HNRNPC: variants seen among roughly 807,000 people sequenced by gnomAD.
HNRNPC encodes heterogeneous nuclear ribonucleoproteins C1/C2.
In HNRNPC, 3 loss-of-function variants were observed where a neutral mutation model predicts 33.2. That is an observed-to-expected ratio of 0.09 (90% CI 0.04 to 0.23). The LOEUF is 0.23. Among genes scored for constraint, HNRNPC ranks in the 10% least tolerant of loss-of-function variants. The pLI is 1.00. For missense variants in HNRNPC, 143 were observed against 366.7 expected, an observed-to-expected ratio of 0.39 and a Z score of 4.98; for synonymous variants, 121 against 126.7, an observed-to-expected ratio of 0.96 and a Z score of 0.30.
chr14:21,254,341 TCTA>T (rs1876750922), intron 2 of HNRNPC, among the ~76,000 whole-genome samples: 1 of 152,180 alleles, frequency 6.6e-6, no homozygotes, highest in Non-Finnish European at 1.5e-5. Context: ...GAGATCTGTA[TCTA>T]CTAACATAAG....
chr14:21,264,924 C>G (rs144427604), intron 1 of HNRNPC: 3 of 152,142 alleles, frequency 2.0e-5, no homozygotes, highest in South Asian at 4.2e-4. Context: ...GTCTGAGGAG[C>G]GAGGATCACT....
intron 5 of HNRNPC, among the ~76,000 whole-genome samples, chr14:21,224,123 A>T (rs1237527675): frequency 6.6e-6 from 1 of 152,128 alleles, no homozygotes; most frequent in Non-Finnish European, 1.5e-5. Context: ...GTACAGTGTT[A>T]CTCAAAAACA....
At position 21,240,362 on chromosome 14, in the gene HNRNPC, G is replaced by A. The variant is rs938544833; in HGVS notation, c.-36-6133C>T. 1.4e-4 allele frequency among the ~76,000 whole-genome samples: 21 copies of A among 152,118 alleles called. 1 individual carries two copies. Among genetic ancestry groups the A allele is most frequent in the Admixed American group, 1.2e-3 (18 of 15,270 alleles). On this transcript the variant is annotated intron_variant, in intron 2 of 8. Transcript: ENST00000553300. The stretch of plus-strand genomic sequence containing the variant: ...TGCCTCTTCACCCTTTTAATGGAGG[G>A]AAACCAATCTTGGATTGTCAATCTA...
At chr14:21,220,236 T>C (rs1020625457) in intron 5 of HNRNPC, among the ~76,000 whole-genome samples, 2 of 134,608 alleles carry the variant, frequency 1.5e-5, no homozygotes, top group African/African-American at 5.4e-5. Context: ...CATCTATTTC[T>C]GGTTTTTTTT....
chr14:21,248,914 A>T (rs1182092963), intron 2 of HNRNPC, among the ~76,000 whole-genome samples: 1 of 147,100 alleles, frequency 6.8e-6, no homozygotes. Context: ...AAAGGAGAAA[A>T]CAAGTGCCTG....
intron 1 of HNRNPC, among the ~76,000 whole-genome samples, chr14:21,267,063 C>T (rs899967060): frequency 8.5e-6 from 1 of 117,844 alleles, no homozygotes; most frequent in Non-Finnish European, 1.7e-5. Flanking sequence ...GACATGCACT[C>T]CAGCCTAGGG....
At chr14:21,259,692 G>C (rs1170992862) in intron 2 of HNRNPC, among the ~76,000 whole-genome samples, 2 of 151,980 alleles carry the variant, frequency 1.3e-5, no homozygotes, top group South Asian at 2.1e-4. Flanking sequence ...TAATCTCATA[G>C]CATTACCTTT....
At chr14:21,261,335 A>T (rs953761439) in intron 2 of HNRNPC, among the ~76,000 whole-genome samples, 2 of 152,206 alleles carry the variant, frequency 1.3e-5, no homozygotes, top group Non-Finnish European at 2.9e-5. Context: ...CCTATAGTGA[A>T]CAGCTTCCGT....
chr14:21,218,307 T>C (rs1235570487), intron 5 of HNRNPC, among the ~76,000 whole-genome samples: 2 of 152,138 alleles, frequency 1.3e-5, no homozygotes, highest in African/African-American at 2.4e-5. Flanking sequence ...TATTCAACAA[T>C]ACACATACTC....
intron 2 of HNRNPC, among the ~76,000 whole-genome samples, chr14:21,256,058 A>G (rs1303248834): frequency 6.6e-6 from 1 of 152,174 alleles, no homozygotes; most frequent in Non-Finnish European, 1.5e-5. Flanking sequence ...GGGAAGGGAC[A>G]CAACAAATCA....
chr14:21,260,410 T>C (rs1594332537), intron 2 of HNRNPC, among the ~76,000 whole-genome samples: 1 of 144,994 alleles, frequency 6.9e-6, no homozygotes, highest in African/African-American at 2.5e-5. Context: ...GTGATTAAGG[T>C]AGAAGGAATA....
At chr14:21,216,739 G>A (rs760643906) in intron 5 of HNRNPC, among the ~76,000 whole-genome samples, 27 of 152,260 alleles carry the variant, frequency 1.8e-4, no homozygotes, top group Non-Finnish European at 3.1e-4. Flanking sequence ...CAAAGGAGCA[G>A]TTTTTTCCAT....
intron 5 of HNRNPC, among the ~76,000 whole-genome samples, chr14:21,214,232 T>TG (rs565467632): frequency 1.1e-3 from 165 of 152,350 alleles, no homozygotes; most frequent in African/African-American, 3.8e-3. Context: ...ACAAATGTGA[T>TG]AGTCAAGAAC....
intron 2 of HNRNPC, among the ~76,000 whole-genome samples, chr14:21,258,439 T>A (rs1877605452): frequency 6.6e-6 from 1 of 151,946 alleles, no homozygotes; most frequent in African/African-American, 2.4e-5. Flanking sequence ...GAGTCTACTA[T>A]CATTAAGTGT....
At chr14:21,224,999 T>C (rs938112485) in intron 5 of HNRNPC, among the ~76,000 whole-genome samples, 2 of 152,274 alleles carry the variant, frequency 1.3e-5, no homozygotes, top group Admixed American at 6.5e-5. Context: ...AGAAAGACCA[T>C]TGAACTAAAC....
intron 5 of HNRNPC, among the ~76,000 whole-genome samples, chr14:21,214,024 A>AAAT (rs1254296383): frequency 6.6e-6 from 1 of 152,242 alleles, no homozygotes; most frequent in Non-Finnish European, 1.5e-5. Flanking sequence ...AAACAGAACA[A>AAAT]AATACTTCTT....
intron 5 of HNRNPC, among the ~76,000 whole-genome samples, chr14:21,226,327 G>GAAAAAAAAAAAAAA (rs374686866): frequency 9.0e-6 from 1 of 110,608 alleles, no homozygotes; most frequent in African/African-American, 3.3e-5. Flanking sequence ...GTTTCCAAAA[G>GAAAAAAAAAAAAAA]AAAAAAAAAA....
intron 2 of HNRNPC, among the ~76,000 whole-genome samples, chr14:21,247,725 G>T (rs1302763303): frequency 6.6e-6 from 1 of 151,818 alleles, no homozygotes; most frequent in African/African-American, 2.4e-5. Flanking sequence ...TGAGGCCAGT[G>T]GAACACTTGA....
intron 2 of HNRNPC, among the ~76,000 whole-genome samples, chr14:21,254,118 C>CAT (rs1158697707): frequency 6.9e-6 from 1 of 145,358 alleles, no homozygotes; most frequent in East Asian, 2.0e-4. Context: ...AAAAGATGTG[C>CAT]ATACCCTTGA....
Sources: allele counts gnomAD v4.1 joint callset (sites outside exome capture counted in the v4.1 genomes callset), GRCh38; gene constraint gnomAD v4.1.1; transcripts MANE v1.5; gene names NCBI Gene and HGNC (gene_info 2026-07-23, HGNC 2026-07-21).